Variants in CEP112 observed in about 807,000 individuals in gnomAD.
CEP112 encodes centrosomal protein 112.
In CEP112, 127 loss-of-function variants were observed where a neutral mutation model predicts 153.0. The observed-to-expected ratio is 0.83, with a 90% CI of 0.72 to 0.96. CEP112 has a LOEUF of 0.96. Ranked by LOEUF, CEP112 falls within the 40% of genes least tolerant of loss-of-function variation. The pLI, the probability that CEP112 is intolerant of heterozygous loss-of-function variation, is 0.00. For missense variants in CEP112, 1,089 were observed against 1,101.2 expected (o/e 0.99, Z 0.16); for synonymous variants, 358 against 374.4 (o/e 0.96, Z 0.51).
chr17:66,146,765 C>T (rs1054733810), intron 4 of CEP112, among the ~76,000 whole-genome samples: 2 of 152,114 alleles, frequency 1.3e-5, no homozygotes, highest in African/African-American at 2.4e-5. Flanking sequence ...TAAACGGTAT[C>T]TGTCTTTTTG....
intron 18 of CEP112, among the ~76,000 whole-genome samples, chr17:65,953,312 C>T (rs1363758998): frequency 6.6e-6 from 1 of 152,110 alleles, no homozygotes; most frequent in Non-Finnish European, 1.5e-5. Flanking sequence ...AGTTGAAATA[C>T]AGATTAAGAT....
chr17:66,137,214 G>T (rs2070473590), intron 4 of CEP112, among the ~76,000 whole-genome samples: 1 of 151,904 alleles, frequency 6.6e-6, no homozygotes, highest in African/African-American at 2.4e-5. Flanking sequence ...TTAACTAAAG[G>T]GGCTCAACAG....
intron 21 of CEP112, among the ~76,000 whole-genome samples, chr17:65,844,991 G>A (rs957781234): frequency 1.3e-5 from 2 of 148,780 alleles, no homozygotes; most frequent in East Asian, 2.0e-4. Flanking sequence ...TCAGCCTGGC[G>A]ACAGAACAAG....
At chr17:65,911,607 T>G (rs2143824492) in intron 19 of CEP112, among the ~76,000 whole-genome samples, 1 of 152,268 alleles carries the variant, frequency 6.6e-6, no homozygotes, top group Non-Finnish European at 1.5e-5. Context: ...GGTGAGATGA[T>G]CACTTGAGCC....
At chr17:65,734,292 A>G (rs1248312701) in intron 23 of CEP112, among the ~76,000 whole-genome samples, 1 of 152,196 alleles carries the variant, frequency 6.6e-6, no homozygotes, top group African/African-American at 2.4e-5. Context: ...ATGGGATCAT[A>G]GAGAACATGG....
intron 21 of CEP112, among the ~76,000 whole-genome samples, chr17:65,776,522 G>C (rs1051191533): frequency 2.3e-4 from 35 of 152,290 alleles, no homozygotes; most frequent in African/African-American, 7.2e-4. Context: ...ACCGTGCCCG[G>C]CCAGCTGCCC....
chr17:65,941,717 G>C (rs1452999535), intron 18 of CEP112, among the ~76,000 whole-genome samples: 1 of 152,010 alleles, frequency 6.6e-6, no homozygotes, highest in Non-Finnish European at 1.5e-5. Flanking sequence ...AAAAGGGCTT[G>C]AGTACATTTC....
At chr17:65,669,931 T>C (rs984324057) in intron 24 of CEP112, among the ~76,000 whole-genome samples, 1 of 144,900 alleles carries the variant, frequency 6.9e-6, no homozygotes, top group East Asian at 2.0e-4. Context: ...GAGAGAAAAA[T>C]AGAATTATGC....
intron 24 of CEP112, among the ~76,000 whole-genome samples, chr17:65,664,647 T>C (rs2046594185): frequency 1.3e-5 from 2 of 152,198 alleles, no homozygotes; most frequent in African/African-American, 4.8e-5. Context: ...AGTTATAAGA[T>C]GTGACCGATG....
At chr17:65,914,167 GA>G (rs986005411) in intron 19 of CEP112, among the ~76,000 whole-genome samples, 3 of 150,596 alleles carry the variant, frequency 2.0e-5, no homozygotes, top group African/African-American at 7.3e-5. Context: ...AAAATTTTTA[GA>G]AAAAAACATG....
chr17:65,976,490 C>G (rs1289681988), intron 17 of CEP112, among the ~76,000 whole-genome samples: 1 of 151,992 alleles, frequency 6.6e-6, no homozygotes, highest in African/African-American at 2.4e-5. Context: ...AATAAAGCAG[C>G]AATGTCATTA....
At chr17:65,701,584 T>A (rs1167225244) in intron 23 of CEP112, among the ~76,000 whole-genome samples, 1 of 152,180 alleles carries the variant, frequency 6.6e-6, no homozygotes, top group Non-Finnish European at 1.5e-5. Context: ...AACTAGGGCT[T>A]GCCTAGTGAC....
intron 18 of CEP112, among the ~76,000 whole-genome samples, chr17:65,933,659 C>A (rs1273112202): frequency 6.6e-6 from 1 of 152,134 alleles, no homozygotes; most frequent in African/African-American, 2.4e-5. Context: ...TGAGGGAGGT[C>A]ATCACCATGA....
chr17:65,933,382 T>A (rs2061192823), intron 18 of CEP112, among the ~76,000 whole-genome samples: 1 of 152,118 alleles, frequency 6.6e-6, no homozygotes, highest in African/African-American at 2.4e-5. Context: ...CGAAGACACA[T>A]CATAATCAAT....
chr17:66,018,204 CA>C (rs1313963215), intron 16 of CEP112, among the ~76,000 whole-genome samples: 1 of 151,996 alleles, frequency 6.6e-6, no homozygotes, highest in Non-Finnish European at 1.5e-5. Context: ...CAACACAAAC[CA>C]GATAGTCAAG....
chr17:66,074,885 A>G (rs2067434729), intron 8 of CEP112, among the ~76,000 whole-genome samples: 2 of 151,406 alleles, frequency 1.3e-5, no homozygotes, highest in Non-Finnish European at 2.9e-5. Context: ...AAAAAAAAAA[A>G]AAAGAAAAAT....
chr17:66,142,504 C>T (rs1022437985), intron 4 of CEP112, among the ~76,000 whole-genome samples: 12 of 151,730 alleles, frequency 7.9e-5, no homozygotes, highest in East Asian at 3.9e-4. Flanking sequence ...AAGTCTTTAA[C>T]GCATTTCTAG....
intron 21 of CEP112, among the ~76,000 whole-genome samples, chr17:65,768,445 A>G (rs1188059719): frequency 6.6e-6 from 1 of 152,098 alleles, no homozygotes; most frequent in Non-Finnish European, 1.5e-5. Flanking sequence ...AAGGGTCAAC[A>G]CTACTTCCTA....
At chr17:66,115,356 A>T (rs151135) in intron 6 of CEP112, among the ~76,000 whole-genome samples, 55,826 of 152,128 alleles carry the variant, frequency 0.37, 11,357 homozygotes, top group Non-Finnish European at 0.46. Flanking sequence ...TGCATAACAG[A>T]TCATCCCAAA....
Sources: allele counts gnomAD v4.1 joint callset (sites outside exome capture counted in the v4.1 genomes callset), GRCh38; gene constraint gnomAD v4.1.1; transcripts MANE v1.5; gene names NCBI Gene and HGNC (gene_info 2026-07-23, HGNC 2026-07-21).